Variants in CNTN5 observed in about 807,000 individuals in gnomAD.
The protein encoded by CNTN5 is contactin 5.
Under a neutral mutation model 129.1 loss-of-function variants are expected in CNTN5, and 77 were observed. The ratio of observed to expected loss-of-function variants is 0.60; its 90% CI spans 0.50 to 0.72. CNTN5 has a LOEUF of 0.72. Among genes scored for constraint, CNTN5 ranks in the 30% least tolerant of loss-of-function variants. The pLI, the probability that CNTN5 is intolerant of heterozygous loss-of-function variation, is 0.00. For synonymous variants in CNTN5, 509 were observed against 465.6 expected (o/e 1.09, Z -1.20); for missense variants, 1,478 against 1,328.8 (o/e 1.11, Z -1.75).
chr11:99,216,470 G>A (rs570063783), intron 1 of CNTN5, among the ~76,000 whole-genome samples: 3 of 152,106 alleles, frequency 2.0e-5, no homozygotes, highest in East Asian at 3.9e-4. Flanking sequence ...TGGGAGTGCC[G>A]ATATCTCTTA....
At chr11:100,160,619 CA>C (rs941122115) in intron 13 of CNTN5, among the ~76,000 whole-genome samples, 5 of 151,852 alleles carry the variant, frequency 3.3e-5, no homozygotes, top group Non-Finnish European at 5.9e-5. Flanking sequence ...ACTGGAAATA[CA>C]TTTCTCCAAA....
chr11:99,952,006 G>A (rs960782566), intron 7 of CNTN5, among the ~76,000 whole-genome samples: 7 of 152,112 alleles, frequency 4.6e-5, no homozygotes, highest in African/African-American at 1.7e-4. Flanking sequence ...AAGGTATGAT[G>A]GTGAAGAAGG....
intron 1 of CNTN5, among the ~76,000 whole-genome samples, chr11:99,183,540 A>G (rs1051423896): frequency 1.8e-4 from 28 of 151,888 alleles, no homozygotes; most frequent in African/African-American, 6.8e-4. Context: ...GTTTCATGGT[A>G]TTTGTTTCTC....
intron 2 of CNTN5, among the ~76,000 whole-genome samples, chr11:99,455,250 A>G (rs1185833279): frequency 6.6e-6 from 1 of 152,180 alleles, no homozygotes; most frequent in South Asian, 2.1e-4. Flanking sequence ...TAAATTAGCT[A>G]CAATGAGTGA....
At chr11:100,347,745 A>AT (rs756772587) in intron 23 of CNTN5, among the ~76,000 whole-genome samples, 17 of 152,128 alleles carry the variant, frequency 1.1e-4, no homozygotes, top group Non-Finnish European at 2.2e-4. Flanking sequence ...CTTCCTTCCC[A>AT]TCCCATTGTC....
At chr11:100,028,774 C>A (rs1394584912) in intron 9 of CNTN5, among the ~76,000 whole-genome samples, 1 of 152,120 alleles carries the variant, frequency 6.6e-6, no homozygotes, top group Non-Finnish European at 1.5e-5. Flanking sequence ...TCTGAACCCA[C>A]AAAAATGTTT....
At chr11:99,612,057 C>T (rs1044096402) in intron 3 of CNTN5, among the ~76,000 whole-genome samples, 1 of 152,134 alleles carries the variant, frequency 6.6e-6, no homozygotes, top group Non-Finnish European at 1.5e-5. Flanking sequence ...AGATCAATAA[C>T]ATTACTCAGC....
intron 21 of CNTN5, among the ~76,000 whole-genome samples, chr11:100,337,986 C>T (rs1369694052): frequency 2.0e-5 from 3 of 152,206 alleles, no homozygotes; most frequent in Non-Finnish European, 4.4e-5. Context: ...CATCGTGAAA[C>T]CTTGCCCCTT....
chr11:99,397,885 T>C (rs1219096859), intron 2 of CNTN5, among the ~76,000 whole-genome samples: 1 of 151,904 alleles, frequency 6.6e-6, no homozygotes. Flanking sequence ...TTGTTGCTTT[T>C]ATGGTCTCTT....
At chr11:99,589,247 A>T (rs910667831) in intron 3 of CNTN5, among the ~76,000 whole-genome samples, 1 of 152,346 alleles carries the variant, frequency 6.6e-6, no homozygotes, top group East Asian at 1.9e-4. Flanking sequence ...AAGCCAGACA[A>T]ATGTAGTCAT....
At chr11:99,586,536 C>CAGATAA (rs1383590886) in intron 3 of CNTN5, among the ~76,000 whole-genome samples, 1 of 152,164 alleles carries the variant, frequency 6.6e-6, no homozygotes, top group Non-Finnish European at 1.5e-5. Flanking sequence ...TCATCTTATA[C>CAGATAA]AGATAAAATG....
intron 13 of CNTN5, among the ~76,000 whole-genome samples, chr11:100,103,067 A>T (rs529952505): frequency 3.3e-4 from 50 of 152,308 alleles, no homozygotes; most frequent in Non-Finnish European, 5.9e-4. Context: ...TGATTAAATG[A>T]ATTAGAACAT....
At chr11:99,452,985 A>G (rs12804571) in intron 2 of CNTN5, among the ~76,000 whole-genome samples, 6,962 of 152,308 alleles carry the variant, frequency 0.046, 231 homozygotes, top group South Asian at 0.079. Context: ...TTGCCAATGT[A>G]AAAAAGCTAA....
intron 8 of CNTN5, among the ~76,000 whole-genome samples, chr11:99,982,141 A>T (rs1456701087): frequency 6.6e-6 from 1 of 152,202 alleles, no homozygotes; most frequent in Non-Finnish European, 1.5e-5. Flanking sequence ...ACTTCAGTGA[A>T]TGACTAATGA....
intron 13 of CNTN5, among the ~76,000 whole-genome samples, chr11:100,149,351 G>T (rs1213010010): frequency 6.6e-6 from 1 of 152,034 alleles, no homozygotes; most frequent in African/African-American, 2.4e-5. Context: ...TATCAATTAA[G>T]TTTATTCAAA....
chr11:99,490,652 G>GTAT (rs1946000268), intron 2 of CNTN5, among the ~76,000 whole-genome samples: 1 of 152,148 alleles, frequency 6.6e-6, no homozygotes, highest in Non-Finnish European at 1.5e-5. Context: ...ACATGAGGCT[G>GTAT]TATTAGCAAG....
At chr11:100,302,262 A>C (rs933662127) in intron 20 of CNTN5, among the ~76,000 whole-genome samples, 1 of 151,588 alleles carries the variant, frequency 6.6e-6, no homozygotes, top group African/African-American at 2.4e-5. Flanking sequence ...TAAACTTGTA[A>C]AATAATATAT....
At chr11:100,020,956 G>A (rs1345581687) in intron 9 of CNTN5, among the ~76,000 whole-genome samples, 1 of 152,024 alleles carries the variant, frequency 6.6e-6, no homozygotes. Context: ...CTCTGTTCAT[G>A]GATTGAAAGA....
At chr11:99,974,496 G>C (rs1252377141) in intron 8 of CNTN5, among the ~76,000 whole-genome samples, 2 of 152,142 alleles carry the variant, frequency 1.3e-5, no homozygotes, top group African/African-American at 4.8e-5. Flanking sequence ...GGTTAGAGAT[G>C]ATCCTTACAG....
Sources: allele counts gnomAD v4.1 joint callset (sites outside exome capture counted in the v4.1 genomes callset), GRCh38; gene constraint gnomAD v4.1.1; transcripts MANE v1.5; gene names NCBI Gene and HGNC (gene_info 2026-07-23, HGNC 2026-07-21).